Variants in NRXN1 observed in about 807,000 individuals in gnomAD.
NRXN1 encodes neurexin-1.
In NRXN1, 39 loss-of-function variants were observed where a neutral mutation model predicts 150.9. That is an observed-to-expected ratio of 0.26 (90% CI 0.20 to 0.34). The LOEUF (loss-of-function observed/expected upper bound fraction) is 0.34, where lower values mean the gene tolerates loss of function less well. Ranked by LOEUF, NRXN1 falls within the 10% of genes least tolerant of loss-of-function variation. The pLI is 1.00. For missense variants in NRXN1, 1,815 were observed against 1,949.9 expected (o/e 0.93, Z 1.30); for synonymous variants, 924 against 757.0 (o/e 1.22, Z -3.62).
intron 18 of NRXN1, chr2:50,185,559 T>C (rs1448401394): frequency 1.3e-5 from 2 of 152,154 alleles, no homozygotes; most frequent in Admixed American, 1.3e-4. Flanking sequence ...CTCAGATGCA[T>C]TGAGAGCCAG....
intron 19 of NRXN1, among the ~76,000 whole-genome samples, chr2:50,073,346 C>T (rs918935534): frequency 2.0e-5 from 3 of 152,124 alleles, no homozygotes; most frequent in Non-Finnish European, 4.4e-5. Flanking sequence ...GACACATAGC[C>T]GGTCTTAAAT....
chr2:49,978,784 C>G (rs1348927608), intron 21 of NRXN1, among the ~76,000 whole-genome samples: 2 of 148,510 alleles, frequency 1.3e-5, no homozygotes, highest in East Asian at 4.0e-4. Flanking sequence ...TGGGAGAAAA[C>G]TACATGTCAC....
At chr2:50,695,629 G>A (rs1356260762) in intron 5 of NRXN1, among the ~76,000 whole-genome samples, 1 of 152,122 alleles carries the variant, frequency 6.6e-6, no homozygotes, top group Non-Finnish European at 1.5e-5. Flanking sequence ...CAAAATTTGA[G>A]AGATTAAAAT....
In NRXN1 at chr2:50,239,291, T is replaced by C. The variant is rs2065766446; in HGVS notation, c.3365-2321A>G. On this transcript the variant is annotated intron_variant, in intron 17 of 22. Transcript: ENST00000401669. ...CTGAGTGCTGATACTTAATAATTAA[T>C]TTTTTTCCTTTTTTAAATTGGCTTT... Among the ~76,000 whole-genome samples, 3 of 151,670 alleles carry C rather than the reference T, an allele frequency of 2.0e-5. No homozygotes were observed. The Admixed American group carries it at 2.0e-4, about 10-fold the overall frequency.
intron 5 of NRXN1, among the ~76,000 whole-genome samples, chr2:50,800,676 A>G (rs917628111): frequency 2.0e-5 from 3 of 152,082 alleles, no homozygotes; most frequent in African/African-American, 7.2e-5. Flanking sequence ...CAGCCTCCTG[A>G]GTAGTTGGAA....
At chr2:50,066,901 C>T (rs1695452384) in intron 19 of NRXN1, among the ~76,000 whole-genome samples, 1 of 152,124 alleles carries the variant, frequency 6.6e-6, no homozygotes, top group Non-Finnish European at 1.5e-5. Flanking sequence ...TCCTTAAACA[C>T]ATACACACAC....
At chr2:50,686,622 T>C (rs11900221) in intron 5 of NRXN1, among the ~76,000 whole-genome samples, 4,026 of 152,222 alleles carry the variant, frequency 0.026, 180 homozygotes, top group African/African-American at 0.091. Flanking sequence ...CAAGTAAAAA[T>C]TGACATCCAA....
rs1304959843 is a variant in NRXN1, at chr2:50,329,663, ATATATATATATTT to A, written c.3365-92706_3365-92694del. 1.1e-3 allele frequency among the ~76,000 whole-genome samples: 31 copies of A among 28,714 alleles called. 1 individual carries two copies. Among genetic ancestry groups the A allele is most frequent in the East Asian group, 5.1e-3 (2 of 396 alleles). The allele number at this position is 28,714 out of a possible 152,430, so 18.8% of individuals were successfully genotyped here. A position where few individuals can be genotyped will look rare whatever the true frequency, so the allele number is the denominator to read the frequency against. The stretch of plus-strand genomic sequence containing the variant: ...TATATATATATATATATATATATAT[ATATATATATATTT>A]TTTTTTTTCCCCCCCGAGACGGAGT... On this transcript the variant is annotated intron_variant, in intron 17 of 22. Transcript: ENST00000401669.
rs1429131985 is a variant in NRXN1 at position 50,406,469 on chromosome 2, C to G, written c.3364+58973G>C. ...GGACATTGGTGACACCACCCACACT[C>G]CACCCACCTTTAATGACCTCTACTT... On this transcript the variant is annotated intron_variant, in intron 17 of 22. Transcript: ENST00000401669. Among the ~76,000 whole-genome samples the G allele has an allele frequency of 9.9e-5, 15 of 152,260 alleles. No individual in the cohort carries two copies. In the South Asian group the frequency reaches 2.9e-3, roughly 29 times the overall value.
At chr2:50,180,620 T>A (rs1449000801) in intron 18 of NRXN1, among the ~76,000 whole-genome samples, 2 of 152,176 alleles carry the variant, frequency 1.3e-5, no homozygotes, top group African/African-American at 4.8e-5. Flanking sequence ...GGAAAAGGAT[T>A]CCTTCCCTCT....
At chr2:50,904,496 T>C (rs1305618935) in intron 5 of NRXN1, among the ~76,000 whole-genome samples, 2 of 152,096 alleles carry the variant, frequency 1.3e-5, no homozygotes, top group Non-Finnish European at 2.9e-5. Context: ...TGGAAACTTG[T>C]GAGGGGATGT....
intron 5 of NRXN1, among the ~76,000 whole-genome samples, chr2:50,806,762 C>T (rs17503625): frequency 0.097 from 14,697 of 152,080 alleles, 802 homozygotes; most frequent in Non-Finnish European, 0.12. Flanking sequence ...TGAGCTACCT[C>T]GTACTAGTCC....
intron 17 of NRXN1, among the ~76,000 whole-genome samples, chr2:50,255,374 C>A (rs1023578176): frequency 1.3e-5 from 2 of 152,144 alleles, no homozygotes; most frequent in Admixed American, 6.6e-5. Context: ...GTATGAGAGT[C>A]ATTTTTGAAG....
At chr2:50,250,190 T>C (rs2152897078) in intron 17 of NRXN1, among the ~76,000 whole-genome samples, 1 of 152,260 alleles carries the variant, frequency 6.6e-6, no homozygotes, top group African/African-American at 2.4e-5. Flanking sequence ...AAATTAAGAA[T>C]TTATGGTAAC....
At chr2:50,299,270 A>C (rs2073930970) in intron 17 of NRXN1, among the ~76,000 whole-genome samples, 1 of 152,178 alleles carries the variant, frequency 6.6e-6, no homozygotes, top group Non-Finnish European at 1.5e-5. Context: ...GTCATCTGCT[A>C]TATATTGGCT....
At chr2:50,881,437 T>G (rs1043818943) in intron 5 of NRXN1, among the ~76,000 whole-genome samples, 2 of 151,992 alleles carry the variant, frequency 1.3e-5, no homozygotes, top group Non-Finnish European at 2.9e-5. Flanking sequence ...TGTGATTTAG[T>G]ACATGATTTT....
At chr2:50,161,975 T>C (rs575586319) in intron 18 of NRXN1, among the ~76,000 whole-genome samples, 1 of 152,246 alleles carries the variant, frequency 6.6e-6, no homozygotes, top group Admixed American at 6.5e-5. Flanking sequence ...AAGAAAAATG[T>C]TTGAAGTCAT....
At chr2:50,828,261 C>T (rs1343427303) in intron 5 of NRXN1, among the ~76,000 whole-genome samples, 3 of 147,372 alleles carry the variant, frequency 2.0e-5, no homozygotes, top group Non-Finnish European at 3.0e-5. Flanking sequence ...GGCGGCTGGC[C>T]GGGCGGGGGG....
chr2:50,594,782 C>T (rs1370954689), intron 8 of NRXN1, among the ~76,000 whole-genome samples: 2 of 152,094 alleles, frequency 1.3e-5, no homozygotes, highest in South Asian at 2.1e-4. Context: ...TCCTTGTTTT[C>T]CCTTTTTGCC....
Sources: gnomAD v4.1 joint callset for allele counts (sites outside exome capture counted in the v4.1 genomes callset) on GRCh38, gnomAD v4.1.1 for gene constraint, MANE v1.5 for transcripts, NCBI Gene and HGNC (gene_info 2026-07-23, HGNC 2026-07-21) for gene names.